Variants in RGP1 observed in about 807,000 individuals in gnomAD.
RGP1 encodes RAB6A-GEF complex partner protein 2.
In RGP1, 28 loss-of-function variants were observed where a neutral mutation model predicts 44.5. The observed-to-expected ratio is 0.63, with a 90% CI of 0.47 to 0.86. The LOEUF (loss-of-function observed/expected upper bound fraction) is 0.86, where lower values mean the gene tolerates loss of function less well. Ranked by LOEUF, RGP1 falls within the 40% of genes least tolerant of loss-of-function variation. The pLI, the probability that RGP1 is intolerant of heterozygous loss-of-function variation, is 0.00. For synonymous variants in RGP1, 212 were observed against 196.7 expected (o/e 1.08, Z -0.65); for missense variants, 417 against 490.7 (o/e 0.85, Z 1.42).
chr9:35,774,013 C>A, the RGP1 span, among the ~76,000 whole-genome samples: 8 of 152,166 alleles, frequency 5.3e-5, no homozygotes, highest in Non-Finnish European at 1.0e-4. Flanking sequence ...AAAAAACAAT[C>A]CATTGTTATT....
the RGP1 span, among the ~76,000 whole-genome samples, chr9:35,784,599 C>T: frequency 1.3e-5 from 2 of 152,026 alleles, no homozygotes; most frequent in East Asian, 1.9e-4. Flanking sequence ...ATTACAGGCG[C>T]CTGACACCAC....
chr9:35,758,585 A>G lies in RGP1; in HGVS notation c.*5711A>G, dbSNP rs1827389782. The G allele has an allele frequency of 2.0e-5, 3 of 152,098 alleles. No homozygotes were observed. Among genetic ancestry groups the G allele is most frequent in the Non-Finnish European group, 4.4e-5 (3 of 68,024 alleles). The allele number at this position is 152,098 out of a possible 1,614,324, so 9.4% of individuals were successfully genotyped here. ...TCTGGGTCAATTAATGAAAAAAAAAAGAAAAGAAAAGAAAATGTCTTACTT... is the reference window on the plus strand; with the variant it reads ...TCTGGGTCAATTAATGAAAAAAAAAGGAAAAGAAAAGAAAATGTCTTACTT... On this transcript the variant is annotated 3_prime_UTR_variant, in exon 9 of 9. Transcript: ENST00000378078.
chr9:35,772,610 G>A, the RGP1 span, among the ~76,000 whole-genome samples: 3 of 151,890 alleles, frequency 2.0e-5, no homozygotes, highest in African/African-American at 4.8e-5. Flanking sequence ...TGGCTAACAC[G>A]GTGAAACCCC....
the RGP1 span, among the ~76,000 whole-genome samples, chr9:35,773,117 G>T: frequency 1.3e-5 from 2 of 152,136 alleles, no homozygotes; most frequent in African/African-American, 4.8e-5. Flanking sequence ...AGCCAGGCAT[G>T]GTGGCTCACA....
rs1827382675 is a variant in RGP1, at chr9:35,757,941, G to A, written c.*5067G>A. The A allele has an allele frequency of 6.6e-6, 1 of 152,198 alleles. No individual in the cohort carries two copies. The highest frequency in any genetic ancestry group is 1.9e-4 in the East Asian group (1 of 5,206). The allele number at this position is 152,198 out of a possible 1,614,324, so 9.4% of individuals were successfully genotyped here. A position where few individuals can be genotyped will look rare whatever the true frequency, so the allele number is the denominator to read the frequency against. On this transcript the variant is annotated 3_prime_UTR_variant, in exon 9 of 9. Coordinates refer to ENST00000378078, the MANE Select transcript of RGP1 (RefSeq NM_001080496.3). ...ATAAAAAAATAAAAATAGAAAAGTT[G>A]CACAATCTAATTCAATATTTGACTT...
At chr9:35,766,081 C>T in the RGP1 span, among the ~76,000 whole-genome samples, 1 of 149,690 alleles carries the variant, frequency 6.7e-6, no homozygotes, top group Non-Finnish European at 1.5e-5. Flanking sequence ...CTGCCCACCT[C>T]GGCCTCCCAA....
downstream of RGP1, among the ~76,000 whole-genome samples, chr9:35,762,680 T>C (rs1827428914): frequency 1.3e-5 from 2 of 152,234 alleles, no homozygotes; most frequent in Admixed American, 1.3e-4. Context: ...CTCAGCCCTC[T>C]GGAGATTTCT....
At chr9:35,784,907 C>T in the RGP1 span, among the ~76,000 whole-genome samples, 1 of 152,172 alleles carries the variant, frequency 6.6e-6, no homozygotes, top group Admixed American at 6.5e-5. Context: ...CCCCTCTCAG[C>T]TGAAAACACC....
the RGP1 span, among the ~76,000 whole-genome samples, chr9:35,779,610 G>A: frequency 1.3e-5 from 2 of 152,194 alleles, no homozygotes; most frequent in Non-Finnish European, 2.9e-5. Flanking sequence ...CCATCCAAAA[G>A]GCTGCCACTG....
In RGP1 at chr9:35,752,700, A is replaced by G; in HGVS notation, c.1002A>G (p.Pro334=). ...LHFEFVTSRE[P]GLVLLPPVEQ... ...TTGAATTTGTAACGTCCCGAGAACC[A>G]GGATTGGTACTCCTACCCCCTGTGG... The change falls in exon 9 of 9, where the codon CCA becomes CCG. Residue 334 remains proline, a synonymous_variant. Coordinates refer to ENST00000378078, the MANE Select transcript of RGP1 (RefSeq NM_001080496.3). 6.2e-7 allele frequency: 1 copy of G among 1,613,654 alleles called. No individual in the cohort carries two copies. Among genetic ancestry groups the G allele is most frequent in the Non-Finnish European group, 8.5e-7 (1 of 1,179,746 alleles).
At chr9:35,789,580 C>T in the RGP1 span, among the ~76,000 whole-genome samples, 1 of 149,888 alleles carries the variant, frequency 6.7e-6, no homozygotes, top group Non-Finnish European at 1.5e-5. Flanking sequence ...AGGCAAGATG[C>T]TTGAATGTTT....
In RGP1 at chr9:35,755,756, C is replaced by T. The variant is rs577283449; in HGVS notation, c.*2882C>T. 11 of 152,292 alleles carry T rather than the reference C, an allele frequency of 7.2e-5. No homozygotes were observed. The highest frequency in any genetic ancestry group is 1.2e-4 in the African/African-American group (5 of 41,544). The allele number at this position is 152,292 out of a possible 1,614,324, so 9.4% of individuals were successfully genotyped here. ...CCGCCCACCTCCTGCTTTGTGCTCC[C>T]GCTTCCTAACAGGCCACAGACTGGT... is the stretch of plus-strand genomic sequence containing the variant. On this transcript the variant is annotated 3_prime_UTR_variant, in exon 9 of 9. Coordinates refer to ENST00000378078, the MANE Select transcript of RGP1 (RefSeq NM_001080496.3).
chr9:35,767,873 G>A, the RGP1 span, among the ~76,000 whole-genome samples: 4 of 152,136 alleles, frequency 2.6e-5, no homozygotes, highest in African/African-American at 9.7e-5. Flanking sequence ...CACGATCTCA[G>A]CTCATTGCAG....
At chr9:35,760,484 C>T (rs535758200), downstream of RGP1, among the ~76,000 whole-genome samples, 4 of 152,302 alleles carry the variant, frequency 2.6e-5, no homozygotes, top group Non-Finnish European at 5.9e-5. Context: ...ACCCTCTACT[C>T]CAGTGTATAG....
At chr9:35,768,123 A>C in the RGP1 span, among the ~76,000 whole-genome samples, 1 of 146,092 alleles carries the variant, frequency 6.8e-6, no homozygotes, top group Non-Finnish European at 1.5e-5. Context: ...TTTTTCTTTA[A>C]GACAAGGTCT....
At chr9:35,771,690 G>C in the RGP1 span, among the ~76,000 whole-genome samples, 1 of 152,216 alleles carries the variant, frequency 6.6e-6, no homozygotes, top group East Asian at 1.9e-4. Flanking sequence ...GTACACAAGA[G>C]TAATCTGGCT....
chr9:35,751,666 C>T lies in RGP1; in HGVS notation c.674C>T (p.Thr225Met), dbSNP rs772254870. 8.1e-6 allele frequency: 13 copies of T among 1,613,816 alleles called. No homozygotes were observed. Among genetic ancestry groups the T allele is most frequent in the African/African-American group, 4.0e-5 (3 of 74,900 alleles). The change falls in exon 7 of 9, where the codon ACG becomes ATG. Residue 225 changes from threonine (T) to methionine (M), a missense_variant. Physicochemically the swap from Thr to Met is moderately conservative, Grantham distance 81. Transcript: ENST00000378078. The stretch of plus-strand genomic sequence containing the variant: ...AGTGATGGCCGAGGGAAAGTTGGGA[C>T]GTTTGGCATCTTCAAATCTGTGTAC... The part of the protein sequence containing the change: ...NISDGRGKVG[T>M]FGIFKSVYRL...
At position 35,753,481 on chromosome 9, in the gene RGP1, C is replaced by A. The variant is rs1410567569; in HGVS notation, c.*607C>A. ...TATTTTCTCTCCAGGTCCACCCCAACCTCCCCTGATTTATAGCCTGAAGCC... is the reference window on the plus strand; with the variant it reads ...TATTTTCTCTCCAGGTCCACCCCAAACTCCCCTGATTTATAGCCTGAAGCC... On this transcript the variant is annotated 3_prime_UTR_variant, in exon 9 of 9. Transcript: ENST00000378078. This position sits in a 1 kb window ranked among gnomAD's most constrained non-coding sequence, Gnocchi z 4.2. 4.1e-5 allele frequency: 32 copies of A among 772,908 alleles called. No individual in the cohort carries two copies. In the East Asian group the frequency reaches 8.6e-4, roughly 21 times the overall value. 47.9% of individuals were successfully genotyped at this position (772,908 alleles called of 1,614,324 possible). A position where few individuals can be genotyped will look rare whatever the true frequency, so the allele number is the denominator to read the frequency against.
At position 35,750,985 on chromosome 9, in the gene RGP1, G is replaced by T; in HGVS notation, c.483G>T (p.Leu161=). The T allele has an allele frequency of 1.9e-6, 3 of 1,613,672 alleles. No homozygotes were observed. The highest frequency in any genetic ancestry group is 2.5e-6 in the Non-Finnish European group (3 of 1,179,870). ...GAGTCCCTCTGAGGGTTCTTGTGCT[G>T]ACTGGTAAGCAAGGGCTCCTGGAGG... ...LLRVPLRVLV[L]TGLQDVRFPQ... The change falls in exon 5 of 9, where the codon CTG becomes CTT. Residue 161 remains leucine, a synonymous_variant. Coordinates refer to ENST00000378078, the MANE Select transcript of RGP1 (RefSeq NM_001080496.3).
Sources: gnomAD v4.1 joint callset for allele counts (sites outside exome capture counted in the v4.1 genomes callset) on GRCh38, gnomAD v4.1.1 for gene constraint, Gnocchi (gnomAD v3.1) non-coding constraint, MANE v1.5 for transcripts, NCBI Gene and HGNC (gene_info 2026-07-23, HGNC 2026-07-21) for gene names.